Variants in CRB1 observed in about 807,000 individuals in gnomAD.
The protein encoded by CRB1 is crumbs cell polarity complex component 1.
A neutral mutation model predicts 120.0 loss-of-function variants in CRB1; 83 were observed. The ratio of observed to expected loss-of-function variants is 0.69; its 90% CI spans 0.58 to 0.83. The LOEUF is 0.83. CRB1 is among the 40% of genes least tolerant of loss of function. The probability of loss-of-function intolerance (pLI) is 0.00; values close to 1 mark genes in which losing one functional copy is unlikely to be tolerated. For missense variants in CRB1, 1,699 were observed against 1,687.6 expected, an observed-to-expected ratio of 1.01 and a Z score of -0.12; for synonymous variants, 625 against 612.5, an observed-to-expected ratio of 1.02 and a Z score of -0.30.
At chr1:197,422,240 C>G (rs1247664999) in intron 6 of CRB1, among the ~76,000 whole-genome samples, 1 of 151,916 alleles carries the variant, frequency 6.6e-6, no homozygotes, top group Non-Finnish European at 1.5e-5. Context: ...TTGCAAAATG[C>G]TACTGCAATT....
Position 197,442,170 on chromosome 1 carries a change from GA to G in CRB1, c.3887del (p.Lys1296ArgfsTer45), listed in dbSNP as rs765536137. ...CRPGFTGEWC[E>X]KDIDECASDP... Reference sequence around the variant, plus strand: ...GCTGTTCTGTTTATTTTGAAGGTGTGAAAAGGACATTGATGAGTGTGCCTCT... The same window carrying G: ...GCTGTTCTGTTTATTTTGAAGGTGTGAAAGGACATTGATGAGTGTGCCTCT... On this transcript the variant is annotated frameshift_variant, in exon 11 of 12. Transcript: ENST00000367400. LOFTEE classifies it high-confidence loss of function. 6.2e-7 allele frequency: 1 copy of G among 1,614,118 alleles called. No homozygotes were observed. The highest frequency in any genetic ancestry group is 1.3e-5 in the African/African-American group (1 of 75,036).
intron 5 of CRB1, chr1:197,413,752 A>G (rs1432999932): frequency 1.4e-5 from 4 of 277,060 alleles, no homozygotes; most frequent in African/African-American, 8.8e-5. Context: ...AAGCAGCACA[A>G]ATGAGTCTTA....
In CRB1 at chr1:197,421,945, A is replaced by C. The variant is rs373835764; in HGVS notation, c.2117A>C (p.Asn706Thr). 6.2e-7 allele frequency: 1 copy of C among 1,613,892 alleles called. No homozygotes were observed. Among genetic ancestry groups the C allele is most frequent in the South Asian group, 1.1e-5 (1 of 91,076 alleles). The part of the protein sequence containing the change: ...CDCHRPYEGP[N>T]CLREYVAGRF... Reference sequence around the variant, plus strand: ...TGCCACAGGCCCTATGAAGGCCCCAACTGTCTGAGAGGTGAGAGAAAGCTG... The same window carrying C: ...TGCCACAGGCCCTATGAAGGCCCCACCTGTCTGAGAGGTGAGAGAAAGCTG... The change falls in exon 6 of 12, where the codon AAC becomes ACC. Residue 706 changes from asparagine (N) to threonine (T), a missense_variant. Asn to Thr is a moderately conservative substitution (Grantham distance 65). Transcript: ENST00000367400.
chr1:197,208,854 G>T, the CRB1 span, among the ~76,000 whole-genome samples: 1 of 152,102 alleles, frequency 6.6e-6, no homozygotes, highest in African/African-American at 2.4e-5. Flanking sequence ...TCAGGTGGGG[G>T]TAGGGTTAGG....
chr1:197,222,079 A>C, the CRB1 span: 4 of 201,620 alleles, frequency 2.0e-5, no homozygotes, highest in Non-Finnish European at 4.1e-5. Flanking sequence ...TTTTTTAAAA[A>C]ATATATTCCT....
the CRB1 span, among the ~76,000 whole-genome samples, chr1:197,209,144 C>T: frequency 4.6e-5 from 7 of 152,182 alleles, no homozygotes; most frequent in Non-Finnish European, 7.3e-5. Flanking sequence ...CCCTAGGCTA[C>T]TAGCCTCCCA....
intron 2 of CRB1, among the ~76,000 whole-genome samples, chr1:197,342,472 G>A (rs1659525490): frequency 6.6e-6 from 1 of 152,142 alleles, no homozygotes; most frequent in African/African-American, 2.4e-5. Flanking sequence ...TCGTCTAGCT[G>A]TAAAGCTATT....
upstream of CRB1, among the ~76,000 whole-genome samples, chr1:197,263,241 A>G (rs993932813): frequency 2.6e-5 from 4 of 152,044 alleles, no homozygotes; most frequent in African/African-American, 9.7e-5. Flanking sequence ...GTGAGATGGC[A>G]TCTCATTGTA....
At position 197,289,623 on chromosome 1, in the gene CRB1, T is replaced by G. The variant is rs537763531; in HGVS notation, c.70+21141T>G. On this transcript the variant is annotated intron_variant, in intron 1 of 11. Transcript: ENST00000367400. ...TCTTCGCCATTCTCTCTGTTCTGTC[T>G]CAGTATTCCTATTAGATGAATATCA... Among the ~76,000 whole-genome samples, 14 of 151,978 alleles carry G rather than the reference T, an allele frequency of 9.2e-5. 1 individual carries two copies. In the South Asian group the frequency reaches 2.1e-3, roughly 22 times the overall value.
chr1:197,252,614 G>GAT, the CRB1 span, among the ~76,000 whole-genome samples: 4 of 97,366 alleles, frequency 4.1e-5, no homozygotes, highest in East Asian at 3.3e-4. Flanking sequence ...GTGTGTGTGT[G>GAT]ATATATATAT....
chr1:197,233,504 C>T, the CRB1 span, among the ~76,000 whole-genome samples: 2 of 152,198 alleles, frequency 1.3e-5, no homozygotes, highest in African/African-American at 4.8e-5. Flanking sequence ...CCAGAAGACC[C>T]TCACCTTCAG....
intron 11 of CRB1, among the ~76,000 whole-genome samples, chr1:197,471,697 A>G (rs917103208): frequency 6.6e-6 from 1 of 152,152 alleles, no homozygotes; most frequent in African/African-American, 2.4e-5. Context: ...TATGACTGTA[A>G]AGTGGACAGT....
intron 1 of CRB1, among the ~76,000 whole-genome samples, chr1:197,313,429 C>T (rs1027245899): frequency 1.3e-5 from 2 of 152,182 alleles, no homozygotes; most frequent in African/African-American, 4.8e-5. Context: ...TCACCTGAAA[C>T]ATTTATCTCT....
intron 6 of CRB1, among the ~76,000 whole-genome samples, chr1:197,425,854 G>A (rs1664555060): frequency 6.6e-6 from 1 of 151,744 alleles, no homozygotes; most frequent in Non-Finnish European, 1.5e-5. Context: ...CAGTCTTGTG[G>A]CTCTAAATAT....
chr1:197,351,682 G>A (rs192279308), intron 4 of CRB1, among the ~76,000 whole-genome samples: 112 of 152,254 alleles, frequency 7.4e-4, no homozygotes, highest in Non-Finnish European at 1.4e-3. Context: ...TTGAAGAGAT[G>A]AGCCTGTTTG....
chr1:197,451,299 TAAC>T (rs1201422061), intron 11 of CRB1, among the ~76,000 whole-genome samples: 1 of 152,230 alleles, frequency 6.6e-6, no homozygotes, highest in African/African-American at 2.4e-5. Context: ...TTACTCATGA[TAAC>T]AAAATTATGG....
intron 1 of CRB1, among the ~76,000 whole-genome samples, chr1:197,277,329 A>T (rs1180677453): frequency 6.6e-6 from 1 of 151,976 alleles, no homozygotes; most frequent in Non-Finnish European, 1.5e-5. Flanking sequence ...TTTTCTCTAC[A>T]TTCAGAATTC....
rs115758137 is a variant in CRB1, at chr1:197,418,127, G to A, written c.1172-2873G>A. ...GGAGAAAAAATCGTGTTTTGCTTTT[G>A]TTATGCCATATCAGTTGTTCAATAG... On this transcript the variant is annotated intron_variant, in intron 5 of 11. Transcript: ENST00000367400. Among the ~76,000 whole-genome samples the A allele has an allele frequency of 3.0e-3, 456 of 152,040 alleles. 2 individuals carry two copies. Among genetic ancestry groups the A allele is most frequent in the African/African-American group, 0.011 (439 of 41,476 alleles).
chr1:197,453,862 TTAA>T (rs1474083989), intron 11 of CRB1, among the ~76,000 whole-genome samples: 3 of 138,858 alleles, frequency 2.2e-5, no homozygotes, highest in African/African-American at 5.2e-5. Flanking sequence ...TTAATATATA[TTAA>T]TATTATTAAT....
Sources: allele counts gnomAD v4.1 joint callset (sites outside exome capture counted in the v4.1 genomes callset), GRCh38; gene constraint gnomAD v4.1.1; transcripts MANE v1.5; gene names NCBI Gene and HGNC (gene_info 2026-07-23, HGNC 2026-07-21).